The following FHIT variants were observed in gnomAD, a reference collection of about 807,000 sequenced individuals.
The protein encoded by FHIT is fragile histidine triad diadenosine triphosphatase.
FHIT carries 19 observed loss-of-function variants against 17.9 expected under a neutral mutation model. The observed-to-expected ratio is 1.06, with a 90% CI of 0.74 to 1.56. FHIT has a LOEUF of 1.56. FHIT is among the 40% of genes most tolerant of loss of function. The pLI is 0.00. For missense variants in FHIT, 248 were observed against 189.2 expected, an observed-to-expected ratio of 1.31 and a Z score of -1.82; for synonymous variants, 81 against 69.7, an observed-to-expected ratio of 1.16 and a Z score of -0.81.
At chr3:60,212,040 A>G (rs1453821739) in intron 5 of FHIT, among the ~76,000 whole-genome samples, 1 of 152,196 alleles carries the variant, frequency 6.6e-6, no homozygotes, top group Non-Finnish European at 1.5e-5. Flanking sequence ...TTCCTAATTG[A>G]CTGTGGCCAA....
At chr3:60,484,063 G>C (rs1337662371) in intron 5 of FHIT, among the ~76,000 whole-genome samples, 1 of 152,086 alleles carries the variant, frequency 6.6e-6, no homozygotes, top group African/African-American at 2.4e-5. Flanking sequence ...AATCATGAAT[G>C]AACTCCCATT....
intron 1 of FHIT, among the ~76,000 whole-genome samples, chr3:61,236,170 C>T (rs1246476990): frequency 6.8e-6 from 1 of 146,858 alleles, no homozygotes; most frequent in African/African-American, 2.5e-5. Context: ...ATAACATATA[C>T]TATAATAATA....
At chr3:60,065,227 T>C (rs1702451391) in intron 5 of FHIT, among the ~76,000 whole-genome samples, 1 of 152,204 alleles carries the variant, frequency 6.6e-6, no homozygotes. Flanking sequence ...CATTAGAATG[T>C]GGAGGAACCT....
At chr3:60,058,099 G>T (rs1298381143) in intron 5 of FHIT, among the ~76,000 whole-genome samples, 1 of 148,272 alleles carries the variant, frequency 6.7e-6, no homozygotes, top group Non-Finnish European at 1.5e-5. Flanking sequence ...CCGGGGAATA[G>T]GGAGTTATTG....
intron 5 of FHIT, among the ~76,000 whole-genome samples, chr3:60,101,476 C>T (rs1299212504): frequency 6.6e-6 from 1 of 152,218 alleles, no homozygotes; most frequent in Non-Finnish European, 1.5e-5. Flanking sequence ...TCCTCTCTAC[C>T]TATGCTTTCT....
chr3:60,134,158 C>A (rs1559664267), intron 5 of FHIT, among the ~76,000 whole-genome samples: 1 of 152,230 alleles, frequency 6.6e-6, no homozygotes, highest in East Asian at 1.9e-4. Context: ...AACTATATTT[C>A]TGGAGAAATC....
At chr3:59,901,699 C>T (rs180803001) in intron 8 of FHIT, among the ~76,000 whole-genome samples, 159 of 152,256 alleles carry the variant, frequency 1.0e-3, no homozygotes, top group African/African-American at 3.5e-3. Context: ...AAAATGGCAA[C>T]GCTGCTTTGA....
intron 5 of FHIT, among the ~76,000 whole-genome samples, chr3:60,246,855 G>C (rs888337234): frequency 6.6e-6 from 1 of 151,978 alleles, no homozygotes; most frequent in Non-Finnish European, 1.5e-5. Context: ...TCTCTTACTG[G>C]GTTTTCAAAA....
chr3:59,906,078 T>C (rs1006650369), intron 8 of FHIT, among the ~76,000 whole-genome samples: 7 of 152,188 alleles, frequency 4.6e-5, no homozygotes, highest in African/African-American at 1.7e-4. Flanking sequence ...GTCTAATGGA[T>C]CTTTCCTTTT....
At chr3:61,211,164 T>C (rs1043621247) in intron 1 of FHIT, among the ~76,000 whole-genome samples, 1 of 151,532 alleles carries the variant, frequency 6.6e-6, no homozygotes, top group Non-Finnish European at 1.5e-5. Flanking sequence ...AGGACAGTGG[T>C]TGCAGAGCAC....
chr3:60,244,558 C>T (rs1369799660), intron 5 of FHIT, among the ~76,000 whole-genome samples: 1 of 151,988 alleles, frequency 6.6e-6, no homozygotes, highest in East Asian at 1.9e-4. Flanking sequence ...TTTCTGCTTC[C>T]AAATGACACC....
At chr3:59,843,507 A>G (rs1325127043) in intron 8 of FHIT, among the ~76,000 whole-genome samples, 1 of 152,200 alleles carries the variant, frequency 6.6e-6, no homozygotes, top group Non-Finnish European at 1.5e-5. Flanking sequence ...ATCGCTTTGT[A>G]TAGTATTGAA....
At chr3:60,724,063 C>A (rs1473274256) in intron 4 of FHIT, among the ~76,000 whole-genome samples, 1 of 152,296 alleles carries the variant, frequency 6.6e-6, no homozygotes, top group East Asian at 1.9e-4. Flanking sequence ...TAGAGTCGTG[C>A]AACCACGACC....
chr3:61,171,428 T>C (rs906581299), intron 2 of FHIT, among the ~76,000 whole-genome samples: 10 of 152,314 alleles, frequency 6.6e-5, no homozygotes, highest in Non-Finnish European at 1.3e-4. Context: ...TAGTTCCTTT[T>C]GTTATGCAGA....
At chr3:60,743,452 C>T (rs1479200460) in intron 4 of FHIT, among the ~76,000 whole-genome samples, 2 of 152,196 alleles carry the variant, frequency 1.3e-5, no homozygotes, top group Non-Finnish European at 2.9e-5. Context: ...CAATCTGCAC[C>T]TCCAGGAAGC....
At chr3:59,968,246 C>A (rs1028511022) in intron 7 of FHIT, among the ~76,000 whole-genome samples, 1 of 152,068 alleles carries the variant, frequency 6.6e-6, no homozygotes, top group Non-Finnish European at 1.5e-5. Flanking sequence ...GGGGCCAAGA[C>A]TCTCCACTCC....
rs374740271 is a variant in FHIT at position 60,365,999 on chromosome 3, G to A, written c.103+170861C>T. 1.7e-4 allele frequency among the ~76,000 whole-genome samples: 26 copies of A among 152,228 alleles called. 1 individual carries two copies. The highest frequency in any genetic ancestry group is 2.1e-4 in the South Asian group (1 of 4,818). On this transcript the variant is annotated intron_variant, in intron 5 of 9. Coordinates refer to ENST00000492590, the MANE Select transcript of FHIT (RefSeq NM_002012.4). ...CCTTCATTGAATGACCAAACAACTG[G>A]TGTTCAAAATAAAATATATGCCTGA...
intron 3 of FHIT, among the ~76,000 whole-genome samples, chr3:60,977,454 C>G (rs990137905): frequency 1.3e-5 from 2 of 152,190 alleles, no homozygotes; most frequent in Admixed American, 6.5e-5. Context: ...ACAAATAAAA[C>G]CTACACAGCT....
At chr3:61,208,651 T>C (rs961878478) in intron 1 of FHIT, among the ~76,000 whole-genome samples, 1 of 152,050 alleles carries the variant, frequency 6.6e-6, no homozygotes, top group Non-Finnish European at 1.5e-5. Flanking sequence ...GCCTTTTTTT[T>C]TGTTTTCCAT....
Sources: gnomAD v4.1 joint callset for allele counts (sites outside exome capture counted in the v4.1 genomes callset) on GRCh38, gnomAD v4.1.1 for gene constraint, MANE v1.5 for transcripts, NCBI Gene and HGNC (gene_info 2026-07-23, HGNC 2026-07-21) for gene names.